TMEM238: variants seen among roughly 807,000 people sequenced by gnomAD.
TMEM238 encodes the protein transmembrane protein 238.
For synonymous variants in TMEM238, 103 were observed against 111.5 expected (o/e 0.92, Z 0.48); for missense variants, 169 against 206.8 (o/e 0.82, Z 1.12).
chr19:55,382,222 T>TCATCCATCCATCCACC (rs1339674483), intron 1 of TMEM238, among the ~76,000 whole-genome samples: 1 of 151,142 alleles, frequency 6.6e-6, no homozygotes, highest in African/African-American at 2.4e-5. Context: ...ATCAACCAAC[T>TCATCCATCCATCCACC]CATCCATCCA....
intron 1 of TMEM238, among the ~76,000 whole-genome samples, chr19:55,382,012 C>T (rs1354146063): frequency 1.3e-5 from 2 of 152,092 alleles, no homozygotes. Flanking sequence ...CCCATGTATT[C>T]ACCCATCCAC....
Position 55,383,446 on chromosome 19 carries a change from C to T in TMEM238, c.*7+276G>A, listed in dbSNP as rs2089893696. Among the ~76,000 whole-genome samples, 1 of 152,170 alleles carries T rather than the reference C, an allele frequency of 6.6e-6. No homozygotes were observed. The highest frequency in any genetic ancestry group is 1.5e-5 in the Non-Finnish European group (1 of 68,022). ...GGCCTGGTGTACCTGGAAGCTGGGG[C>T]TCTCCCCGTGCGGGGGGCCTAACTG... On this transcript the variant is annotated intron_variant, in intron 1 of 1. Transcript: ENST00000444469. This position sits in a 1 kb window ranked among gnomAD's most constrained non-coding sequence, Gnocchi z 4.9.
Position 55,383,941 on chromosome 19 carries a change from G to A in TMEM238, c.319C>T (p.Leu107=), listed in dbSNP as rs767392153. The A allele has an allele frequency of 2.2e-6, 3 of 1,339,418 alleles. No homozygotes were observed. The South Asian group carries it at 4.8e-5, about 21-fold the overall frequency. 83.0% of individuals were successfully genotyped at this position (1,339,418 alleles called of 1,614,324 possible). The change falls in exon 1 of 2, where the codon CTG becomes TTG. Residue 107 remains leucine (L), a synonymous_variant. Coordinates refer to ENST00000444469, the MANE Select transcript of TMEM238 (RefSeq NM_001190764.2). This position sits in a 1 kb window ranked among gnomAD's most constrained non-coding sequence, Gnocchi z 4.9. ...SRQELERDYG[L]RPSALARLAR... ...AGGCGGGCGAGCGCCGAGGGCCGCA[G>A]GCCGTAGTCGCGCTCCAGCTCCTGG... is the stretch of plus-strand genomic sequence containing the variant.
Position 55,383,708 on chromosome 19 carries a change from C to T in TMEM238, c.*7+14G>A, listed in dbSNP as rs1046514055. The T allele has an allele frequency of 1.2e-5, 3 of 260,400 alleles. No homozygotes were observed. The highest frequency in any genetic ancestry group is 2.2e-5 in the Non-Finnish European group (3 of 136,316). The allele number at this position is 260,400 out of a possible 1,614,324, so 16.1% of individuals were successfully genotyped here. ...GTCCCTCCGTCTCCCCGCCCTGCCC[C>T]GCCCGCCCCTCACCTGGGCCTCACT... On this transcript the variant is annotated intron_variant, in intron 1 of 1. Transcript: ENST00000444469. This position sits in a 1 kb window ranked among gnomAD's most constrained non-coding sequence, Gnocchi z 4.9.
Position 55,384,141 on chromosome 19 carries a change from AGCAGCAGCGCCATCCG to A in TMEM238, c.103_118del (p.Arg35TrpfsTer14). On this transcript the variant is annotated frameshift_variant, in exon 1 of 2. Coordinates refer to ENST00000444469, the MANE Select transcript of TMEM238 (RefSeq NM_001190764.2). LOFTEE classifies it low-confidence loss of function (END_TRUNC). This position sits in a 1 kb window ranked among gnomAD's most constrained non-coding sequence, Gnocchi z 5.6. Reference sequence around the variant, plus strand: ...GCCCGCCACATCCAGCGCCACGGCCAGCAGCAGCGCCATCCGGCAGCGGCCCAGGCCGGCCGCGGGT... The same window carrying A: ...GCCCGCCACATCCAGCGCCACGGCCAGCAGCGGCCCAGGCCGGCCGCGGGT... The A allele has an allele frequency of 7.0e-7, 1 of 1,426,464 alleles. No individual in the cohort carries two copies. The highest frequency in any genetic ancestry group is 1.5e-5 in the African/African-American group (1 of 67,084). The allele number at this position is 1,426,464 out of a possible 1,614,324, so 88.4% of individuals were successfully genotyped here. A position where few individuals can be genotyped will look rare whatever the true frequency, so the allele number is the denominator to read the frequency against.
rs1202005567 is a variant in TMEM238 at position 55,383,001 on chromosome 19, T to C, written c.*7+721A>G. On this transcript the variant is annotated intron_variant, in intron 1 of 1. Coordinates refer to ENST00000444469, the MANE Select transcript of TMEM238 (RefSeq NM_001190764.2). This position sits in a 1 kb window ranked among gnomAD's most constrained non-coding sequence, Gnocchi z 4.9. ...TGTGGCCTTGGGCAAATGTGGCGCC[T>C]TTCTGCGCTTCAGTTTCCTCCACTG... Among the ~76,000 whole-genome samples the C allele has an allele frequency of 6.6e-6, 1 of 152,248 alleles. No homozygotes were observed. Among genetic ancestry groups the C allele is most frequent in the Admixed American group, 6.5e-5 (1 of 15,292 alleles).
In TMEM238 at chr19:55,383,246, C is replaced by T. The variant is rs913250538; in HGVS notation, c.*7+476G>A. 6.6e-6 allele frequency among the ~76,000 whole-genome samples: 1 copy of T among 152,132 alleles called. No homozygotes were observed. The highest frequency in any genetic ancestry group is 2.4e-5 in the African/African-American group (1 of 41,430). ...CAAAAATTAGCCCGGCAAGGTGGGG[C>T]GCACATGTATTCTCAGCTACTTGGG... On this transcript the variant is annotated intron_variant, in intron 1 of 1. Coordinates refer to ENST00000444469, the MANE Select transcript of TMEM238 (RefSeq NM_001190764.2). The surrounding 1 kb of genome is among the most constrained non-coding windows in gnomAD (Gnocchi z 4.9).
intron 1 of TMEM238, among the ~76,000 whole-genome samples, chr19:55,380,761 G>A (rs1242135033): frequency 6.8e-6 from 1 of 146,754 alleles, no homozygotes; most frequent in Admixed American, 6.9e-5. Flanking sequence ...TTTTTGAGAC[G>A]GGTTCTCACT....
chr19:55,383,959 G>C lies in TMEM238; in HGVS notation c.301C>G (p.Leu101Val). The part of the protein sequence containing the change: ...TGNIEISRQE[L>V]ERDYGLRPSA... ...GGCCGCAGGCCGTAGTCGCGCTCCA[G>C]CTCCTGGCGCGAGATCTCGATGTTG... is the stretch of plus-strand genomic sequence containing the variant. The change falls in exon 1 of 2, where the codon CTG becomes GTG. Residue 101 changes from leucine to valine, a missense_variant. By Grantham distance (32) the Leu-to-Val change is conservative (BLOSUM62 1). Coordinates refer to ENST00000444469, the MANE Select transcript of TMEM238 (RefSeq NM_001190764.2). The surrounding 1 kb of genome is among the most constrained non-coding windows in gnomAD (Gnocchi z 4.9). The C allele has an allele frequency of 6.5e-6, 9 of 1,393,426 alleles. No homozygotes were observed. Among genetic ancestry groups the C allele is most frequent in the Non-Finnish European group, 8.5e-6 (9 of 1,062,278 alleles). The allele number at this position is 1,393,426 out of a possible 1,614,324, so 86.3% of individuals were successfully genotyped here.
chr19:55,383,876 G>A lies in TMEM238; in HGVS notation c.384C>T (p.Ala128=), dbSNP rs1301240176. The change falls in exon 1 of 2, where the codon GCC becomes GCT. Residue 128 remains alanine (A), a synonymous_variant. Transcript: ENST00000444469. This position sits in a 1 kb window ranked among gnomAD's most constrained non-coding sequence, Gnocchi z 4.9. The part of the protein sequence containing the change: ...KLSRRWSAPA[A]AGQRPAPGSR... ...AGCCGGGCGCGGGGCGCTGGCCCGC[G>A]GCGGCGGGCGCCGACCAGCGGCGGG... 1 of 1,022,650 alleles carries A rather than the reference G, an allele frequency of 9.8e-7. No homozygotes were observed. Among genetic ancestry groups the A allele is most frequent in the African/African-American group, 1.7e-5 (1 of 57,430 alleles). 63.3% of individuals were successfully genotyped at this position (1,022,650 alleles called of 1,614,324 possible). A position where few individuals can be genotyped will look rare whatever the true frequency, so the allele number is the denominator to read the frequency against.
chr19:55,380,543 G>T (rs2089882437), intron 1 of TMEM238, among the ~76,000 whole-genome samples: 1 of 149,286 alleles, frequency 6.7e-6, no homozygotes, highest in Non-Finnish European at 1.5e-5. Flanking sequence ...TCCTGCCTCA[G>T]CCTCCCTAGT....
At chr19:55,382,855 G>A (rs188656423) in intron 1 of TMEM238, among the ~76,000 whole-genome samples, 1 of 152,224 alleles carries the variant, frequency 6.6e-6, no homozygotes, top group African/African-American at 2.4e-5. Flanking sequence ...CCTTTTCTAG[G>A]CCTACAGGTC....
intron 1 of TMEM238, among the ~76,000 whole-genome samples, chr19:55,381,380 T>C (rs564566210): frequency 3.2e-5 from 4 of 124,562 alleles, no homozygotes; most frequent in Non-Finnish European, 4.7e-5. Context: ...ATTGCGCCAC[T>C]GCACTCCAGC....
In TMEM238 at chr19:55,384,175, CCGCGGGTGCTGGCGCGGCCGCCGG is replaced by C; in HGVS notation, c.61_84del (p.Pro21_Ala28del). The C allele has an allele frequency of 8.3e-7, 1 of 1,202,406 alleles. No individual in the cohort carries two copies. Among genetic ancestry groups the C allele is most frequent in the Non-Finnish European group, 1.0e-6 (1 of 971,528 alleles). 74.5% of individuals were successfully genotyped at this position (1,202,406 alleles called of 1,614,324 possible). ...GCCATCCGGCAGCGGCCCAGGCCGG[CCGCGGGTGCTGGCGCGGCCGCCGG>C]CGCGGACGGTGCACCCGGCGGGCTC... On this transcript the variant is annotated inframe_deletion, in exon 1 of 2. Transcript: ENST00000444469. This position sits in a 1 kb window ranked among gnomAD's most constrained non-coding sequence, Gnocchi z 5.6.
At position 55,384,142 on chromosome 19, in the gene TMEM238, G is replaced by A; in HGVS notation, c.118C>T (p.Leu40=). 7.1e-7 allele frequency: 1 copy of A among 1,407,006 alleles called. No individual in the cohort carries two copies. The highest frequency in any genetic ancestry group is 9.3e-7 in the Non-Finnish European group (1 of 1,070,262). The allele number at this position is 1,407,006 out of a possible 1,614,324, so 87.2% of individuals were successfully genotyped here. A position where few individuals can be genotyped will look rare whatever the true frequency, so the allele number is the denominator to read the frequency against. The change falls in exon 1 of 2, where the codon CTG becomes TTG. Residue 40 remains leucine (L), a synonymous_variant. Coordinates refer to ENST00000444469, the MANE Select transcript of TMEM238 (RefSeq NM_001190764.2). This position sits in a 1 kb window ranked among gnomAD's most constrained non-coding sequence, Gnocchi z 5.6. ...CCCGCCACATCCAGCGCCACGGCCA[G>A]CAGCAGCGCCATCCGGCAGCGGCCC... ...GLGRCRMALL[L]AVALDVAGMA...
intron 1 of TMEM238, among the ~76,000 whole-genome samples, chr19:55,382,191 C>T (rs1379884641): frequency 6.6e-6 from 1 of 151,932 alleles, no homozygotes; most frequent in Non-Finnish European, 1.5e-5. Flanking sequence ...ATCAATCTAT[C>T]ATCCATTCAC....
intron 1 of TMEM238, among the ~76,000 whole-genome samples, chr19:55,380,707 G>A (rs1314514372): frequency 1.3e-5 from 2 of 151,606 alleles, no homozygotes; most frequent in Middle Eastern, 3.4e-3. Context: ...TTACAGGCAT[G>A]AGCCACCATG....
At chr19:55,380,141 C>G (rs1456396306) in intron 1 of TMEM238, among the ~76,000 whole-genome samples, 1 of 151,944 alleles carries the variant, frequency 6.6e-6, no homozygotes, top group African/African-American at 2.4e-5. Context: ...TGGGTTTGAA[C>G]AGGCCCATTT....
Position 55,384,109 on chromosome 19 carries a change from C to T in TMEM238, c.151G>A (p.Ala51Thr), listed in dbSNP as rs1223706921. 1 of 1,451,652 alleles carries T rather than the reference C, an allele frequency of 6.9e-7. No homozygotes were observed. Among genetic ancestry groups the T allele is most frequent in the Non-Finnish European group, 9.1e-7 (1 of 1,096,416 alleles). 89.9% of individuals were successfully genotyped at this position (1,451,652 alleles called of 1,614,324 possible). The change falls in exon 1 of 2, where the codon GCG (alanine) becomes ACG (threonine). Residue 51 changes from alanine to threonine, a missense_variant. Ala to Thr is a moderately conservative substitution (Grantham distance 58). Coordinates refer to ENST00000444469, the MANE Select transcript of TMEM238 (RefSeq NM_001190764.2). The surrounding 1 kb of genome is among the most constrained non-coding windows in gnomAD (Gnocchi z 5.6). The part of the protein sequence containing the change: ...AVALDVAGMA[A>T]LLTGVFAQLQ... ...TGCGCGAACACGCCGGTCAGCAGCG[C>T]CGCCATGCCCGCCACATCCAGCGCC...
Sources: gnomAD v4.1 joint callset for allele counts (sites outside exome capture counted in the v4.1 genomes callset) on GRCh38, gnomAD v4.1.1 for gene constraint, Gnocchi (gnomAD v3.1) non-coding constraint, MANE v1.5 for transcripts, NCBI Gene and HGNC (gene_info 2026-07-23, HGNC 2026-07-21) for gene names.